Variants in LRIG1 observed in about 807,000 individuals in gnomAD.
The protein encoded by LRIG1 is leucine-rich repeats and immunoglobulin-like domains protein 1.
LRIG1 carries 48 observed loss-of-function variants against 99.2 expected under a neutral mutation model. That is an observed-to-expected ratio of 0.48 (90% CI 0.38 to 0.62). LRIG1 has a LOEUF of 0.62. Ranked by LOEUF, LRIG1 falls within the 20% of genes least tolerant of loss-of-function variation. LRIG1 has a pLI of 0.00. For missense variants in LRIG1, 1,646 were observed against 1,434.4 expected, an observed-to-expected ratio of 1.15 and a Z score of -2.38; for synonymous variants, 772 against 596.1, an observed-to-expected ratio of 1.29 and a Z score of -4.30.
At chr3:66,449,367 T>A (rs1370733382) in intron 3 of LRIG1, among the ~76,000 whole-genome samples, 1 of 152,114 alleles carries the variant, frequency 6.6e-6, no homozygotes, top group African/African-American at 2.4e-5. Flanking sequence ...GTGCCCAACT[T>A]CAGGCCAAAG....
intron 1 of LRIG1, among the ~76,000 whole-genome samples, chr3:66,487,900 T>C (rs1377058517): frequency 1.2e-4 from 19 of 152,220 alleles, no homozygotes. Flanking sequence ...TTGTTAAACT[T>C]CTGTCAAGAA....
intron 1 of LRIG1, among the ~76,000 whole-genome samples, chr3:66,479,984 A>G (rs1036553901): frequency 6.6e-6 from 1 of 152,244 alleles, no homozygotes; most frequent in Non-Finnish European, 1.5e-5. Context: ...GTGAAAATAT[A>G]CATTCACCAC....
Position 66,383,268 on chromosome 3 carries a change from G to C in LRIG1, c.2205C>G (p.Leu735=), listed in dbSNP as rs753441628. ...TWFKGDRPLS[L]TERHHLTPDN... is the part of the protein sequence containing the mutation. ...CAGGGGTCAAGTGGTGCCGCTCAGT[G>C]AGGCTCAGCGGGCGGTCCCCCTTGA... The change falls in exon 15 of 19, where the codon CTC becomes CTG. Residue 735 remains leucine (L), a synonymous_variant. Transcript: ENST00000273261. 6.2e-7 allele frequency: 1 copy of C among 1,614,066 alleles called. No individual in the cohort carries two copies. Among genetic ancestry groups the C allele is most frequent in the Non-Finnish European group, 8.5e-7 (1 of 1,179,866 alleles).
chr3:66,431,468 G>C (rs542337866), intron 3 of LRIG1, among the ~76,000 whole-genome samples: 1 of 152,312 alleles, frequency 6.6e-6, no homozygotes, highest in South Asian at 2.1e-4. Context: ...GCCATGCATG[G>C]TTTTCTTCCA....
At chr3:66,437,499 T>A (rs966650069) in intron 3 of LRIG1, among the ~76,000 whole-genome samples, 2 of 152,172 alleles carry the variant, frequency 1.3e-5, no homozygotes, top group Admixed American at 6.5e-5. Context: ...ACTTATCCCC[T>A]GGCTGGAGAG....
intron 12 of LRIG1, chr3:66,387,204 A>G (rs547751859): frequency 1.3e-5 from 2 of 151,928 alleles, no homozygotes; most frequent in Admixed American, 1.3e-4. Flanking sequence ...CCAAAAAACT[A>G]TAAAGGAAAA....
At chr3:66,381,655 T>C (rs747430818) in intron 16 of LRIG1, 24 bp from the exon 17 acceptor site, 2 of 1,604,858 alleles carry the variant, frequency 1.2e-6, no homozygotes, top group Admixed American at 1.7e-5. Flanking sequence ...CCAACACGAT[T>C]AGAAACTCTG....
At chr3:66,454,839 G>T (rs369603737) in intron 2 of LRIG1, among the ~76,000 whole-genome samples, 1 of 152,128 alleles carries the variant, frequency 6.6e-6, no homozygotes, top group Admixed American at 6.5e-5. Flanking sequence ...TTTACATTTT[G>T]TAAGCTACAA....
chr3:66,387,169 A>T (rs1344915518), intron 12 of LRIG1: 1 of 151,106 alleles, frequency 6.6e-6, no homozygotes, highest in East Asian at 1.9e-4. Flanking sequence ...AGGGGACAAT[A>T]CCCATGGGGC....
At chr3:66,428,266 T>C (rs1011332732) in intron 3 of LRIG1, among the ~76,000 whole-genome samples, 2 of 152,286 alleles carry the variant, frequency 1.3e-5, no homozygotes, top group Middle Eastern at 3.4e-3. Flanking sequence ...GAAATGAATC[T>C]GAAAACCATT....
intron 1 of LRIG1, among the ~76,000 whole-genome samples, chr3:66,497,773 C>A (rs943399118): frequency 9.3e-5 from 14 of 149,790 alleles, no homozygotes; most frequent in African/African-American, 2.2e-4. Flanking sequence ...AACCCACAGC[C>A]TGAAGTTGTT....
At chr3:66,404,970 T>C (rs370746132) in intron 9 of LRIG1, among the ~76,000 whole-genome samples, 67 of 152,256 alleles carry the variant, frequency 4.4e-4, no homozygotes, top group African/African-American at 1.5e-3. Context: ...AAACGCCGGG[T>C]TGCCAGCCCC....
At chr3:66,404,340 G>A (rs1207807976) in intron 9 of LRIG1, 16 of 1,286,706 alleles carry the variant, frequency 1.2e-5, no homozygotes, top group South Asian at 2.5e-5. Flanking sequence ...TGGGGGAATC[G>A]AGCGGCAGCC....
Position 66,500,478 on chromosome 3 carries a change from G to A in LRIG1, c.-71C>T. The A allele has an allele frequency of 5.8e-6, 5 of 868,832 alleles. No homozygotes were observed. In the South Asian group the frequency reaches 1.2e-4, roughly 20 times the overall value. The allele number at this position is 868,832 out of a possible 1,614,324, so 53.8% of individuals were successfully genotyped here. A position where few individuals can be genotyped will look rare whatever the true frequency, so the allele number is the denominator to read the frequency against. The stretch of plus-strand genomic sequence containing the variant: ...ACCCGAACGGCCGCAGACGCGGGCG[G>A]GCCCGCGGGGCGCTCCGCTCGGCTC... On this transcript the variant is annotated 5_prime_UTR_variant, in exon 1 of 19. Transcript: ENST00000273261.
At chr3:66,420,732 G>T (rs1196078915) in intron 3 of LRIG1, among the ~76,000 whole-genome samples, 2 of 152,240 alleles carry the variant, frequency 1.3e-5, no homozygotes, top group Non-Finnish European at 2.9e-5. Flanking sequence ...GGTAGCTAGA[G>T]TAGTCAGATC....
intron 3 of LRIG1, among the ~76,000 whole-genome samples, chr3:66,436,164 T>C (rs1703350556): frequency 6.6e-6 from 1 of 152,114 alleles, no homozygotes; most frequent in Non-Finnish European, 1.5e-5. Context: ...GCATCAGGGG[T>C]TGTCATCCAG....
In LRIG1 at chr3:66,380,056, ATATCAAATAC is replaced by A; in HGVS notation, c.*197_*206del. On this transcript the variant is annotated 3_prime_UTR_variant, in exon 19 of 19. Coordinates refer to ENST00000273261, the MANE Select transcript of LRIG1 (RefSeq NM_015541.3). ...TCTCTGAAAACTCTTATGTACAATG[ATATCAAATAC>A]TTTTTTTGCCTTTTGTACACAAATC... The A allele has an allele frequency of 4.1e-6, 2 of 492,396 alleles. No homozygotes were observed. The highest frequency in any genetic ancestry group is 6.3e-5 in the East Asian group (2 of 31,912). 30.5% of individuals were successfully genotyped at this position (492,396 alleles called of 1,614,324 possible). A position where few individuals can be genotyped will look rare whatever the true frequency, so the allele number is the denominator to read the frequency against.
chr3:66,479,948 G>A (rs533985281), intron 1 of LRIG1, among the ~76,000 whole-genome samples: 7 of 152,170 alleles, frequency 4.6e-5, no homozygotes, highest in South Asian at 2.1e-4. Context: ...TCCACTCCTC[G>A]GTATATGCCC....
intron 3 of LRIG1, among the ~76,000 whole-genome samples, chr3:66,447,771 T>C (rs868369706): frequency 2.6e-5 from 4 of 152,194 alleles, no homozygotes; most frequent in African/African-American, 9.7e-5. Flanking sequence ...TTCTCGACAG[T>C]ACAAGTGCAG....
Sources: allele counts gnomAD v4.1 joint callset (sites outside exome capture counted in the v4.1 genomes callset), GRCh38; gene constraint gnomAD v4.1.1; transcripts MANE v1.5; gene names NCBI Gene and HGNC (gene_info 2026-07-23, HGNC 2026-07-21).